Variants in ATP2C1 observed in about 807,000 individuals in gnomAD.
The protein encoded by ATP2C1 is ATPase secretory pathway Ca2+ transporting 1.
In ATP2C1, 31 loss-of-function variants were observed where a neutral mutation model predicts 120.5. That is an observed-to-expected ratio of 0.26 (90% CI 0.19 to 0.35). The LOEUF is 0.35. Among genes scored for constraint, ATP2C1 ranks in the 10% least tolerant of loss-of-function variants. ATP2C1 has a pLI of 1.00. For synonymous variants in ATP2C1, 351 were observed against 358.7 expected (o/e 0.98, Z 0.24); for missense variants, 731 against 1,107.5 (o/e 0.66, Z 4.83).
chr3:130,863,708 C>T (rs2068084581), intron 1 of ATP2C1, among the ~76,000 whole-genome samples: 1 of 152,104 alleles, frequency 6.6e-6, no homozygotes, highest in African/African-American at 2.4e-5. Context: ...GCTGGTCTTT[C>T]CCATGCTATT....
chr3:130,864,374 T>C (rs554713554), intron 1 of ATP2C1, among the ~76,000 whole-genome samples: 1 of 152,366 alleles, frequency 6.6e-6, no homozygotes, highest in South Asian at 2.1e-4. Context: ...TTCAGTTTTA[T>C]AAGGGAAGCA....
At chr3:130,992,516 G>C (rs563123330) in intron 20 of ATP2C1, among the ~76,000 whole-genome samples, 1 of 152,182 alleles carries the variant, frequency 6.6e-6, no homozygotes, top group Non-Finnish European at 1.5e-5. Context: ...GCAGACACTT[G>C]ACACTGTAAA....
rs183786436 is a variant in ATP2C1 at position 130,913,665 on chromosome 3, C to T, written c.7-16751C>T. Among the ~76,000 whole-genome samples, 173 of 152,192 alleles carry T rather than the reference C, an allele frequency of 1.1e-3. 2 individuals are homozygous for T. The East Asian group carries it at 0.03, about 26-fold the overall frequency. ...GGGGAGGTGGAAGGATGAAAAGATT[C>T]TTTGCACTAAGTTTGCTTTTGGTTA... On this transcript the variant is annotated intron_variant, in intron 2 of 27. Coordinates refer to ENST00000510168, the MANE Select transcript of ATP2C1 (RefSeq NM_001378687.1).
At chr3:130,889,644 T>A (rs904164721), upstream of ATP2C1, among the ~76,000 whole-genome samples, 5 of 117,268 alleles carry the variant, frequency 4.3e-5, no homozygotes, top group African/African-American at 1.1e-4. Flanking sequence ...TAAACTTTTT[T>A]TTTTTTTTTT....
downstream of ATP2C1, among the ~76,000 whole-genome samples, chr3:131,007,334 G>A (rs1003885215): frequency 5.3e-5 from 8 of 152,130 alleles, no homozygotes; most frequent in East Asian, 7.7e-4. Flanking sequence ...CCTGTTTTAC[G>A]CAAATCTGGC....
intron 2 of ATP2C1, among the ~76,000 whole-genome samples, chr3:130,912,323 A>G (rs2058462503): frequency 6.6e-6 from 1 of 150,676 alleles, no homozygotes; most frequent in Non-Finnish European, 1.5e-5. Flanking sequence ...GAAACCTACA[A>G]AATGGGAGAA....
intron 2 of ATP2C1, among the ~76,000 whole-genome samples, chr3:130,909,546 T>A (rs2058292850): frequency 6.6e-6 from 1 of 152,154 alleles, no homozygotes; most frequent in South Asian, 2.1e-4. Context: ...GTCACCATAG[T>A]ATGCCATGCT....
chr3:131,015,316 G>T, intron 26 of ATP2C1: 1 of 664,444 alleles, frequency 1.5e-6, no homozygotes, highest in South Asian at 1.6e-5. Flanking sequence ...TCTGAGTGGA[G>T]AGACAAACAA....
At chr3:130,968,679 C>G (rs2061158208) in intron 16 of ATP2C1, among the ~76,000 whole-genome samples, 1 of 152,086 alleles carries the variant, frequency 6.6e-6, no homozygotes, top group Non-Finnish European at 1.5e-5. Context: ...CAAGAAGAGC[C>G]TGAACATGTT....
rs937292112 is a variant in ATP2C1, at chr3:130,935,324, A to C, written c.324+613A>C. On this transcript the variant is annotated intron_variant, in intron 5 of 27. Transcript: ENST00000510168. ...GACTAGTTGTGAACTAAAGCCTGAC[A>C]TGTGAAATTAAAAATATTCCTTATA... Among the ~76,000 whole-genome samples the C allele has an allele frequency of 3.3e-5, 5 of 152,356 alleles. No homozygotes were observed. The East Asian group carries it at 9.6e-4, about 29-fold the overall frequency.
At chr3:130,978,058 C>T (rs1461616523) in intron 18 of ATP2C1, among the ~76,000 whole-genome samples, 1 of 152,126 alleles carries the variant, frequency 6.6e-6, no homozygotes, top group Non-Finnish European at 1.5e-5. Flanking sequence ...TGCCACCCCT[C>T]CATTAGGAGT....
chr3:130,874,428 G>A (rs940303116), intron 1 of ATP2C1, among the ~76,000 whole-genome samples: 1 of 152,100 alleles, frequency 6.6e-6, no homozygotes, highest in Non-Finnish European at 1.5e-5. Context: ...AACATTTTAA[G>A]TACTTGTCGT....
intron 26 of ATP2C1, among the ~76,000 whole-genome samples, chr3:131,010,505 T>C (rs2063281636): frequency 6.6e-6 from 1 of 152,124 alleles, no homozygotes. Flanking sequence ...CCTTTTTCTA[T>C]CTTTAAACAT....
At chr3:131,007,228 C>T (rs2063150063), downstream of ATP2C1, among the ~76,000 whole-genome samples, 1 of 152,164 alleles carries the variant, frequency 6.6e-6, no homozygotes, top group Admixed American at 6.5e-5. Flanking sequence ...TACACGTGAA[C>T]ATATATGATG....
intron 18 of ATP2C1, among the ~76,000 whole-genome samples, chr3:130,975,894 G>A (rs1038203830): frequency 4.6e-5 from 7 of 152,146 alleles, no homozygotes; most frequent in Non-Finnish European, 7.4e-5. Flanking sequence ...AACTTGATCT[G>A]TTACTGTTCA....
chr3:130,893,708 C>G (rs3755761), upstream of ATP2C1, among the ~76,000 whole-genome samples: 3,528 of 152,322 alleles, frequency 0.023, 153 homozygotes, highest in East Asian at 0.21. Context: ...GCCGACCCCG[C>G]GGCCGCCCCA....
intron 2 of ATP2C1, among the ~76,000 whole-genome samples, chr3:130,909,886 AAT>A (rs2058312688): frequency 6.6e-6 from 1 of 151,824 alleles, no homozygotes; most frequent in Admixed American, 6.6e-5. Flanking sequence ...ATTTATTGTC[AAT>A]AGAGTTAGGG....
rs116882641 is a variant in ATP2C1 at position 130,993,120 on chromosome 3, C to G, written c.1890+119C>G. The G allele has an allele frequency of 1.2e-5, 10 of 803,790 alleles. No individual in the cohort carries two copies. In the East Asian group the frequency reaches 2.8e-4, roughly 23 times the overall value. The allele number at this position is 803,790 out of a possible 1,614,324, so 49.8% of individuals were successfully genotyped here. ...AGGTCAGAAATACTGTGAAGCAAAACAGTTTTTTTTTTTTGTAAGAGCTTG... is the reference window on the plus strand; with the variant it reads ...AGGTCAGAAATACTGTGAAGCAAAAGAGTTTTTTTTTTTTGTAAGAGCTTG... On this transcript the variant is annotated intron_variant, in intron 21 of 27. Transcript: ENST00000510168.
downstream of ATP2C1, among the ~76,000 whole-genome samples, chr3:131,007,885 C>T (rs1222165400): frequency 1.3e-5 from 2 of 152,180 alleles, no homozygotes; most frequent in Non-Finnish European, 2.9e-5. Flanking sequence ...ATAGGAAAGA[C>T]ATGACAAACT....
Sources: allele counts gnomAD v4.1 joint callset (sites outside exome capture counted in the v4.1 genomes callset), GRCh38; gene constraint gnomAD v4.1.1; transcripts MANE v1.5; gene names NCBI Gene and HGNC (gene_info 2026-07-23, HGNC 2026-07-21).